The following DMGDH variants were observed in gnomAD, a reference collection of about 807,000 sequenced individuals.
DMGDH encodes dimethylglycine dehydrogenase.
A neutral mutation model predicts 95.2 loss-of-function variants in DMGDH; 76 were observed. The ratio of observed to expected loss-of-function variants is 0.80; its 90% CI spans 0.66 to 0.97. The LOEUF (loss-of-function observed/expected upper bound fraction) is 0.97. DMGDH is among the 50% of genes least tolerant of loss of function. DMGDH has a pLI of 0.00. For synonymous variants in DMGDH, 345 were observed against 377.6 expected, an observed-to-expected ratio of 0.91 and a Z score of 1.00; for missense variants, 987 against 1,055.0, an observed-to-expected ratio of 0.94 and a Z score of 0.89.
chr5:79,035,462 A>G (rs1663608926), intron 7 of DMGDH, among the ~76,000 whole-genome samples: 1 of 152,254 alleles, frequency 6.6e-6, no homozygotes, highest in Non-Finnish European at 1.5e-5. Context: ...ACACAGCAGT[A>G]AAGAGTAGAT....
At chr5:79,060,169 C>T (rs1298331683) in intron 2 of DMGDH, among the ~76,000 whole-genome samples, 1 of 152,152 alleles carries the variant, frequency 6.6e-6, no homozygotes, top group Non-Finnish European at 1.5e-5. Flanking sequence ...CATTTGCAGA[C>T]AAAAACAAAT....
At chr5:79,033,103 G>T in intron 8 of DMGDH, 136 bp downstream of exon 8, 1 of 1,106,782 alleles carries the variant, frequency 9.0e-7, no homozygotes, top group Non-Finnish European at 1.3e-6. Flanking sequence ...TCCTTGTTAT[G>T]TCTCAGGGGC....
At chr5:79,067,335 C>A (rs1755409425) in intron 1 of DMGDH, among the ~76,000 whole-genome samples, 1 of 152,180 alleles carries the variant, frequency 6.6e-6, no homozygotes, top group South Asian at 2.1e-4. Context: ...TTTAAACAGA[C>A]TGGGCATATC....
chr5:79,039,086 A>G (rs1754429509), intron 7 of DMGDH, among the ~76,000 whole-genome samples: 2 of 149,370 alleles, frequency 1.3e-5, no homozygotes, highest in African/African-American at 2.5e-5. Context: ...GTGGAGAAAT[A>G]GGAACACTTT....
chr5:79,019,843 C>T (rs554088334), intron 14 of DMGDH, among the ~76,000 whole-genome samples: 11 of 152,264 alleles, frequency 7.2e-5, no homozygotes, highest in African/African-American at 2.6e-4. Context: ...CAAAATTGCA[C>T]CACTGCACTC....
chr5:79,063,046 C>T (rs945781853), intron 2 of DMGDH, among the ~76,000 whole-genome samples: 5 of 152,002 alleles, frequency 3.3e-5, no homozygotes, highest in Admixed American at 6.6e-5. Flanking sequence ...GAGCCGAGAT[C>T]GCGCCATTGC....
chr5:79,016,832 G>T lies in DMGDH; in HGVS notation c.2250+7439C>A, dbSNP rs542423748. Reference sequence around the variant, plus strand: ...TCAAGACACTGTAGTATTGGCATTTGGAAAGATAAACAGATATACAGAATA... The same window carrying T: ...TCAAGACACTGTAGTATTGGCATTTTGAAAGATAAACAGATATACAGAATA... On this transcript the variant is annotated intron_variant, in intron 14 of 15. Transcript: ENST00000255189. Among the ~76,000 whole-genome samples, 11 of 152,224 alleles carry T rather than the reference G, an allele frequency of 7.2e-5. 1 individual carries two copies. In the East Asian group the frequency reaches 1.5e-3, roughly 21 times the overall value.
intron 14 of DMGDH, chr5:79,021,627 A>G (rs1753869066): frequency 1.5e-6 from 2 of 1,317,752 alleles, no homozygotes; most frequent in East Asian, 9.6e-5. Flanking sequence ...CTGATGGCCC[A>G]TCTGCTCACC....
At chr5:79,005,236 T>C (rs1279444871) in intron 15 of DMGDH, 37 bp downstream of exon 15, 3 of 1,612,404 alleles carry the variant, frequency 1.9e-6, no homozygotes, top group Admixed American at 1.7e-5. Context: ...TTGCAGAAGA[T>C]GCCACAGCCC....
chr5:79,057,690 C>A (rs890808308), intron 2 of DMGDH, among the ~76,000 whole-genome samples: 9 of 152,186 alleles, frequency 5.9e-5, no homozygotes, highest in African/African-American at 1.9e-4. Context: ...AGTGTGCATG[C>A]AAACTTTCCT....
chr5:79,034,146 A>C (rs1293936574), intron 7 of DMGDH, among the ~76,000 whole-genome samples: 2 of 152,130 alleles, frequency 1.3e-5, no homozygotes, highest in Non-Finnish European at 2.9e-5. Flanking sequence ...TGGGAGAAAC[A>C]TATGTACTGT....
chr5:79,033,972 A>G (rs1019785903), intron 7 of DMGDH, among the ~76,000 whole-genome samples: 25 of 152,086 alleles, frequency 1.6e-4, no homozygotes, highest in African/African-American at 6.0e-4. Context: ...AACAAACAAA[A>G]TAGCTCTTTA....
At chr5:79,030,696 G>C in intron 10 of DMGDH, 137 bp downstream of exon 10, 2 of 674,656 alleles carry the variant, frequency 3.0e-6, no homozygotes, top group South Asian at 1.8e-5. Flanking sequence ...AAATAAGCTT[G>C]TATACTTGTA....
At chr5:79,068,748 G>A (rs187249957) in intron 1 of DMGDH, among the ~76,000 whole-genome samples, 6 of 152,310 alleles carry the variant, frequency 3.9e-5, no homozygotes, top group Admixed American at 1.3e-4. Flanking sequence ...AAGATGTTCA[G>A]CATTGCTCAT....
intron 14 of DMGDH, among the ~76,000 whole-genome samples, chr5:79,015,458 T>C (rs1254220457): frequency 1.3e-5 from 2 of 152,234 alleles, no homozygotes; most frequent in Non-Finnish European, 2.9e-5. Flanking sequence ...TTCTCCAGGA[T>C]ACACTCCAAA....
At chr5:79,049,372 A>G (rs1754769774) in intron 5 of DMGDH, among the ~76,000 whole-genome samples, 1 of 152,222 alleles carries the variant, frequency 6.6e-6, no homozygotes, top group South Asian at 2.1e-4. Flanking sequence ...CTTCTATGTT[A>G]TTTCTCAAAA....
chr5:79,061,654 T>C (rs1374264657), intron 2 of DMGDH, among the ~76,000 whole-genome samples: 3 of 152,194 alleles, frequency 2.0e-5, no homozygotes, highest in Non-Finnish European at 4.4e-5. Context: ...GTGCGATGGC[T>C]CATGCCTGTA....
intron 13 of DMGDH, 29 bp from the exon 14 acceptor site, chr5:79,024,359 T>C: frequency 6.3e-7 from 1 of 1,592,712 alleles, no homozygotes; most frequent in Non-Finnish European, 8.6e-7. Context: ...TTTTAAATCT[T>C]AGATGAGTGC....
intron 9 of DMGDH, among the ~76,000 whole-genome samples, chr5:79,031,467 T>A (rs1230051847): frequency 1.3e-5 from 2 of 152,258 alleles, no homozygotes; most frequent in Non-Finnish European, 2.9e-5. Context: ...TTGCACTTGT[T>A]AAATTCCACA....
Sources: gnomAD v4.1 joint callset for allele counts (sites outside exome capture counted in the v4.1 genomes callset) on GRCh38, gnomAD v4.1.1 for gene constraint, MANE v1.5 for transcripts, NCBI Gene and HGNC (gene_info 2026-07-23, HGNC 2026-07-21) for gene names.